HIVEP3: variants seen among roughly 807,000 people sequenced by gnomAD.
HIVEP3 encodes HIVEP zinc finger 3, also known as transcription factor HIVEP3.
HIVEP3 carries 49 observed loss-of-function variants against 152.8 expected under a neutral mutation model. The ratio of observed to expected loss-of-function variants is 0.32; its 90% CI spans 0.26 to 0.41. HIVEP3 has a LOEUF of 0.41. HIVEP3 is among the 10% of genes least tolerant of loss of function. The pLI, the probability that HIVEP3 is intolerant of heterozygous loss-of-function variation, is 1.00. For synonymous variants in HIVEP3, 1,269 were observed against 1,289.0 expected, an observed-to-expected ratio of 0.98 and a Z score of 0.33; for missense variants, 2,790 against 3,103.3, an observed-to-expected ratio of 0.90 and a Z score of 2.40.
intron 1 of HIVEP3, among the ~76,000 whole-genome samples, chr1:41,793,460 A>G (rs1191518536): frequency 6.6e-6 from 1 of 152,166 alleles, no homozygotes; most frequent in African/African-American, 2.4e-5. Flanking sequence ...AGAGAAGCTG[A>G]TCCACTGGAG....
At chr1:41,647,997 C>T (rs1285149150) in intron 2 of HIVEP3, among the ~76,000 whole-genome samples, 1 of 152,254 alleles carries the variant, frequency 6.6e-6, no homozygotes, top group Admixed American at 6.5e-5. Flanking sequence ...TGCCAGCCTG[C>T]TCAGTCTCCC....
At chr1:41,993,515 G>A (rs536353889) in intron 1 of HIVEP3, among the ~76,000 whole-genome samples, 387 of 152,168 alleles carry the variant, frequency 2.5e-3, no homozygotes, top group Non-Finnish European at 3.8e-3. Flanking sequence ...TGCTGGAGAG[G>A]AAGTGGAGAA....
intron 1 of HIVEP3, among the ~76,000 whole-genome samples, chr1:41,988,505 C>T (rs899255676): frequency 3.9e-5 from 6 of 152,120 alleles, no homozygotes; most frequent in Non-Finnish European, 8.8e-5. Context: ...AAATTAAAAT[C>T]GCAATTAGAT....
At chr1:41,987,728 C>T (rs1220315849) in intron 1 of HIVEP3, among the ~76,000 whole-genome samples, 1 of 152,138 alleles carries the variant, frequency 6.6e-6, no homozygotes, top group Non-Finnish European at 1.5e-5. Flanking sequence ...TCCATTTTCA[C>T]ACTGCTATAA....
intron 7 of HIVEP3, among the ~76,000 whole-genome samples, chr1:41,514,869 T>A (rs1642557703): frequency 6.6e-6 from 1 of 152,076 alleles, no homozygotes; most frequent in African/African-American, 2.4e-5. Flanking sequence ...TTGAATAGAG[T>A]CTAAAAGTGG....
intron 1 of HIVEP3, among the ~76,000 whole-genome samples, chr1:41,792,071 T>TAAG (rs1400579156): frequency 6.6e-6 from 1 of 152,158 alleles, no homozygotes; most frequent in Admixed American, 6.5e-5. Flanking sequence ...TGCCCCCAAA[T>TAAG]ATCTACCATG....
chr1:41,873,933 G>C lies in HIVEP3; in HGVS notation c.-801+44480C>G, dbSNP rs1644124562. ...TTGTACTTGCTTCATTCTGGGGTCAGGAAGAAGCTGCAGGCCCTCCTTCCC... is the reference window on the plus strand; with the variant it reads ...TTGTACTTGCTTCATTCTGGGGTCACGAAGAAGCTGCAGGCCCTCCTTCCC... On this transcript the variant is annotated intron_variant, in intron 1 of 8. Transcript: ENST00000372583. This position sits in a 1 kb window ranked among gnomAD's most constrained non-coding sequence, Gnocchi z 4.2. 6.6e-6 allele frequency among the ~76,000 whole-genome samples: 1 copy of C among 152,198 alleles called. No individual in the cohort carries two copies. Among genetic ancestry groups the C allele is most frequent in the South Asian group, 2.1e-4 (1 of 4,828 alleles).
chr1:41,812,741 A>G (rs1651039802), intron 1 of HIVEP3, among the ~76,000 whole-genome samples: 1 of 151,448 alleles, frequency 6.6e-6, no homozygotes, highest in Non-Finnish European at 1.5e-5. Context: ...CTGCGAAGCC[A>G]CCACTCCAAC....
intron 1 of HIVEP3, among the ~76,000 whole-genome samples, chr1:41,711,348 T>C (rs1191378884): frequency 6.6e-6 from 1 of 152,190 alleles, no homozygotes; most frequent in East Asian, 1.9e-4. Context: ...TGGTTCCCTC[T>C]CCAGCTCGCT....
intron 1 of HIVEP3, among the ~76,000 whole-genome samples, chr1:42,026,075 GAAAA>G (rs5773758): frequency 1.5e-5 from 2 of 137,660 alleles, no homozygotes; most frequent in Non-Finnish European, 3.2e-5. Context: ...TCTCAAAAGA[GAAAA>G]AAAAAAAAAT....
intron 1 of HIVEP3, among the ~76,000 whole-genome samples, chr1:41,791,701 TA>T (rs1649708095): frequency 6.6e-6 from 1 of 152,196 alleles, no homozygotes; most frequent in African/African-American, 2.4e-5. Flanking sequence ...CTTATGTGTT[TA>T]AGCCACTGTT....
At chr1:41,718,101 G>A (rs902065245) in intron 1 of HIVEP3, among the ~76,000 whole-genome samples, 3 of 152,316 alleles carry the variant, frequency 2.0e-5, no homozygotes, top group South Asian at 2.1e-4. Flanking sequence ...CCCCAAGCAC[G>A]GCTTCTCCAT....
intron 1 of HIVEP3, among the ~76,000 whole-genome samples, chr1:41,746,731 CCT>C (rs1475136943): frequency 6.6e-6 from 1 of 152,186 alleles, no homozygotes; most frequent in East Asian, 1.9e-4. Flanking sequence ...GGCCCCTTCC[CCT>C]GTCTCTTGTC....
At chr1:41,544,831 TC>T (rs1643656856) in intron 5 of HIVEP3, among the ~76,000 whole-genome samples, 1 of 10,152 alleles carries the variant, frequency 9.9e-5, no homozygotes, top group Non-Finnish European at 2.0e-4. Context: ...ACCACCACCA[TC>T]ACCACCACCA....
At chr1:41,550,547 T>C (rs189980731) in intron 5 of HIVEP3, among the ~76,000 whole-genome samples, 15 of 152,344 alleles carry the variant, frequency 9.8e-5, no homozygotes, top group Non-Finnish European at 2.9e-5. Context: ...TTTATTTCAT[T>C]GAGCAGTGGT....
At chr1:41,605,373 GCGCACACACA>G (rs1055656399) in intron 3 of HIVEP3, among the ~76,000 whole-genome samples, 1 of 106,758 alleles carries the variant, frequency 9.4e-6, no homozygotes, top group African/African-American at 3.9e-5. Flanking sequence ...ACACGCACAC[GCGCACACACA>G]CACACACACA....
chr1:41,914,819 C>G (rs1011405329), intron 1 of HIVEP3, among the ~76,000 whole-genome samples: 5 of 152,184 alleles, frequency 3.3e-5, no homozygotes, highest in Non-Finnish European at 7.3e-5. Flanking sequence ...TCCATCTTTT[C>G]CATCACCAGG....
In HIVEP3 at chr1:41,583,202, G is replaced by GT; in HGVS notation, c.1595_1596insA (p.Val535CysfsTer26). ...GGCTTCTCAGGAGAGGCACAGGGGGGGCGGTACTGGGCGGGTGCTGGAGGC... is the reference window on the plus strand; with the variant it reads ...GGCTTCTCAGGAGAGGCACAGGGGGGTGCGGTACTGGGCGGGTGCTGGAGGC... On this transcript the variant is annotated frameshift_variant, in exon 4 of 9. Transcript: ENST00000372583. LOFTEE classifies it high-confidence loss of function. This position sits in a 1 kb window ranked among gnomAD's most constrained non-coding sequence, Gnocchi z 6.9. The GT allele has an allele frequency of 6.2e-7, 1 of 1,610,724 alleles. No homozygotes were observed. The highest frequency in any genetic ancestry group is 8.5e-7 in the Non-Finnish European group (1 of 1,178,418).
At chr1:41,790,117 G>A (rs1305505854) in intron 1 of HIVEP3, among the ~76,000 whole-genome samples, 1 of 152,174 alleles carries the variant, frequency 6.6e-6, no homozygotes, top group Non-Finnish European at 1.5e-5. Flanking sequence ...CTATGATTTG[G>A]ATGTTCATTC....
Sources: allele counts gnomAD v4.1 joint callset (sites outside exome capture counted in the v4.1 genomes callset), GRCh38; gene constraint gnomAD v4.1.1; non-coding constraint Gnocchi (gnomAD v3.1); transcripts MANE v1.5; gene names NCBI Gene and HGNC (gene_info 2026-07-23, HGNC 2026-07-21).